The following EEF1G variants were observed in gnomAD, a reference collection of about 807,000 sequenced individuals.
The protein encoded by EEF1G is eukaryotic translation elongation factor 1 gamma.
In EEF1G, 14 loss-of-function variants were observed where a neutral mutation model predicts 58.3. The observed-to-expected ratio is 0.24, with a 90% confidence interval of 0.16 to 0.38. The LOEUF is 0.38. Among genes scored for constraint, EEF1G ranks in the 10% least tolerant of loss-of-function variants. EEF1G has a pLI of 1.00. For synonymous variants in EEF1G, 180 were observed against 206.8 expected (o/e 0.87, Z 1.11); for missense variants, 322 against 550.1 (o/e 0.59, Z 4.15).
chr11:62,568,387 C>CAAA lies in EEF1G; in HGVS notation c.523-862_523-860dup, dbSNP rs56838630. Among the ~76,000 whole-genome samples, 4 of 60,154 alleles carry CAAA rather than the reference C, an allele frequency of 6.6e-5. No individual in the cohort carries two copies. In the East Asian group the frequency reaches 2.4e-3, roughly 36 times the overall value. The allele number at this position is 60,154 out of a possible 152,430, so 39.5% of individuals were successfully genotyped here. ...TGGGTGACAGAGTGAGACTCTGTCT[C>CAAA]AAAAAAAAAAAAAAAAAAAAAAAAT... On this transcript the variant is annotated intron_variant, in intron 5 of 9. Coordinates refer to ENST00000329251, the MANE Select transcript of EEF1G (RefSeq NM_001404.5).
chr11:62,568,464 A>G (rs1002074966), intron 5 of EEF1G, among the ~76,000 whole-genome samples: 1 of 150,956 alleles, frequency 6.6e-6, no homozygotes, highest in Non-Finnish European at 1.5e-5. Flanking sequence ...TTGAACTCGC[A>G]TGCTCAAGCA....
At chr11:62,568,387 CAAAAAAAA>C (rs56838630) in intron 5 of EEF1G, among the ~76,000 whole-genome samples, 1 of 60,162 alleles carries the variant, frequency 1.7e-5, no homozygotes, top group African/African-American at 6.7e-5. Context: ...GACTCTGTCT[CAAAAAAAA>C]AAAAAAAAAA....
rs1237925237 is a variant in EEF1G, at chr11:62,566,455, A to G, written c.857+351T>C. Reference sequence around the variant, plus strand: ...CGTGGCGCACCGCAAGGCTCTCTGCACTTTCTTCCTCCCCACGCCTCTCCC... The same window carrying G: ...CGTGGCGCACCGCAAGGCTCTCTGCGCTTTCTTCCTCCCCACGCCTCTCCC... On this transcript the variant is annotated intron_variant, in intron 7 of 9. Transcript: ENST00000329251. 3.3e-5 allele frequency among the ~76,000 whole-genome samples: 5 copies of G among 152,346 alleles called. No homozygotes were observed. The East Asian group carries it at 7.7e-4, about 24-fold the overall frequency.
intron 5 of EEF1G, among the ~76,000 whole-genome samples, 180 bp from the exon 6 acceptor site, chr11:62,567,708 A>ATTTT (rs71458421): frequency 5.6e-5 from 8 of 143,480 alleles, no homozygotes; most frequent in Non-Finnish European, 7.6e-5. Context: ...ATTTTTTTCA[A>ATTTT]TTTTTTTTTT....
intron 5 of EEF1G, among the ~76,000 whole-genome samples, chr11:62,567,939 C>G (rs1437406056): frequency 1.3e-5 from 2 of 151,204 alleles, no homozygotes; most frequent in Non-Finnish European, 3.0e-5. Flanking sequence ...AGGCTGTTCT[C>G]GAACTCTGAC....
exon 1 of EEF1G, chr11:62,573,881 TGCCGCAAAGTAA>T (rs1244704676): frequency 1.9e-6 from 3 of 1,613,228 alleles, no homozygotes; most frequent in Admixed American, 5.0e-5. Flanking sequence ...TTCTCGGCGC[TGCCGCAAAGTAA>T]GCCGCCCGGG....
At chr11:62,563,237 C>T (rs983352747) in intron 7 of EEF1G, among the ~76,000 whole-genome samples, 3 of 152,054 alleles carry the variant, frequency 2.0e-5, no homozygotes, top group African/African-American at 4.8e-5. Context: ...CGCCATTCTC[C>T]TGCCTCAGCC....
chr11:62,562,452 AC>A (rs1162087507), intron 7 of EEF1G, among the ~76,000 whole-genome samples: 1 of 152,058 alleles, frequency 6.6e-6, no homozygotes, highest in Non-Finnish European at 1.5e-5. Context: ...GAAGAAAATC[AC>A]CTATAATGCC....
In EEF1G at chr11:62,566,750, A is replaced by G; in HGVS notation, c.857+56T>C. On this transcript the variant is annotated intron_variant, in intron 7 of 9. Transcript: ENST00000329251. ...TAGCTGTGTGTGAGGGGGGACATAC[A>G]GAGGTGAGAACAGGCCTTCTTTGGT... 4 of 1,527,858 alleles carry G rather than the reference A, an allele frequency of 2.6e-6. No individual in the cohort carries two copies. The Admixed American group carries it at 5.3e-5, about 20-fold the overall frequency. The allele number at this position is 1,527,858 out of a possible 1,614,324, so 94.6% of individuals were successfully genotyped here. A position where few individuals can be genotyped will look rare whatever the true frequency, so the allele number is the denominator to read the frequency against.
chr11:62,567,418 C>G lies in EEF1G; in HGVS notation c.633G>C (p.Glu211Asp). ...ACTCACCATCAAACTGGGCCATCTT[C>G]TCACACAGTTTCACTTCGCCCAAGA... ...RAVLGEVKLCEKMAQFDAKKF... is the reference protein window; with the variant it reads ...RAVLGEVKLCDKMAQFDAKKF... Residue 211 changes from glutamate (E) to aspartate (D), a missense_variant, in exon 6 of 10, where the codon GAG (glutamate) becomes GAC (aspartate). This residue lies in a region of EEF1G where 208 missense variants were observed against 323.7 expected (regional missense o/e 0.64). Coordinates refer to ENST00000329251, the MANE Select transcript of EEF1G (RefSeq NM_001404.5). 1 of 1,612,406 alleles carries G rather than the reference C, an allele frequency of 6.2e-7. No homozygotes were observed. Among genetic ancestry groups the G allele is most frequent in the Non-Finnish European group, 8.5e-7 (1 of 1,179,110 alleles).
At chr11:62,569,243 G>A (rs948437370) in intron 5 of EEF1G, among the ~76,000 whole-genome samples, 20 of 152,154 alleles carry the variant, frequency 1.3e-4, no homozygotes, top group African/African-American at 3.1e-4. Context: ...AGGCCGAGGC[G>A]GGTGGATCAC....
intron 5 of EEF1G, among the ~76,000 whole-genome samples, chr11:62,569,299 A>G (rs1941596568): frequency 6.6e-6 from 1 of 151,866 alleles, no homozygotes; most frequent in African/African-American, 2.4e-5. Context: ...ACATGGCAAA[A>G]CCCCATCTCT....
At chr11:62,564,010 C>A (rs1391415237) in intron 7 of EEF1G, among the ~76,000 whole-genome samples, 3 of 152,250 alleles carry the variant, frequency 2.0e-5, no homozygotes, top group African/African-American at 7.2e-5. Context: ...TCATGGCTCA[C>A]TGCAGCCTCA....
At chr11:62,571,192 T>C in intron 4 of EEF1G, 84 bp from the exon 5 acceptor site, 1 of 1,590,882 alleles carries the variant, frequency 6.3e-7, no homozygotes, top group Non-Finnish European at 8.6e-7. Context: ...AAGAGGGCTA[T>C]TTTCACCTAG....
Position 62,566,813 on chromosome 11 carries a change from G to A in EEF1G, c.850C>T (p.Pro284Ser). Reference protein sequence around the residue: ...PKAKDPFAHLPKSTFVLDEFK... With the variant: ...PKAKDPFAHLSKSTFVLDEFK... The stretch of plus-strand genomic sequence containing the variant: ...ACCCTCCAATATCCTTACCTCTTGG[G>A]CAGGTGAGCGAAGGGGTCCTTGGCC... The change falls in exon 7 of 10, where the codon CCC becomes TCC. Residue 284 changes from proline to serine, a missense_variant. Pro to Ser is a moderately conservative substitution (Grantham distance 74). Coordinates refer to ENST00000329251, the MANE Select transcript of EEF1G (RefSeq NM_001404.5). 2 of 1,613,504 alleles carry A rather than the reference G, an allele frequency of 1.2e-6. No homozygotes were observed. Among genetic ancestry groups the A allele is most frequent in the South Asian group, 2.2e-5 (2 of 91,066 alleles).
intron 7 of EEF1G, among the ~76,000 whole-genome samples, chr11:62,565,017 G>C (rs1365796340): frequency 2.6e-5 from 4 of 151,818 alleles, no homozygotes; most frequent in Non-Finnish European, 5.9e-5. Context: ...AGGTTGCAGT[G>C]AGCTGAGATC....
intron 7 of EEF1G, among the ~76,000 whole-genome samples, chr11:62,566,475 T>C (rs1941557394): frequency 6.6e-6 from 1 of 152,184 alleles, no homozygotes; most frequent in South Asian, 2.1e-4. Context: ...TCCCCACGCC[T>C]CTCCCTGTAT....
At chr11:62,571,488 A>G (rs1941630350) in intron 4 of EEF1G, 52 bp downstream of exon 4, 2 of 1,552,810 alleles carry the variant, frequency 1.3e-6, no homozygotes, top group Admixed American at 1.9e-5. Flanking sequence ...CCCAACACCC[A>G]GGAGCTGATG....
Position 62,571,540 on chromosome 11 carries a change from C to A in EEF1G, c.378G>T (p.Gln126His). ...CTTCTCTCAAAGTTCCAAGGCTCACCTGTTTGTTGTGGTGCATGATGCCCA... is the reference window on the plus strand; with the variant it reads ...CTTCTCTCAAAGTTCCAAGGCTCACATGTTTGTTGTGGTGCATGATGCCCA... ...PTLGIMHHNK[Q>H]ATENAKEEVR... Residue 126 changes from glutamine to histidine, a missense_variant and splice_region_variant, in exon 4 of 10, where the codon CAG becomes CAT. This residue lies in a region of EEF1G where 52 missense variants were observed against 139.4 expected (regional missense o/e 0.37). Coordinates refer to ENST00000329251, the MANE Select transcript of EEF1G (RefSeq NM_001404.5). 2 of 1,596,162 alleles carry A rather than the reference C, an allele frequency of 1.3e-6. No individual in the cohort carries two copies. Among genetic ancestry groups the A allele is most frequent in the South Asian group, 1.1e-5 (1 of 87,436 alleles).
Sources: gnomAD v4.1 joint callset for allele counts (sites outside exome capture counted in the v4.1 genomes callset) on GRCh38, gnomAD v4.1.1 for gene constraint, gnomAD v4.1.1 regional missense constraint, MANE v1.5 for transcripts, NCBI Gene and HGNC (gene_info 2026-07-23, HGNC 2026-07-21) for gene names.